KCNMA1: variants seen among roughly 807,000 people sequenced by gnomAD.
The protein encoded by KCNMA1 is potassium calcium-activated channel subfamily M alpha 1.
KCNMA1 carries 29 observed loss-of-function variants against 140.0 expected under a neutral mutation model. That is an observed-to-expected ratio of 0.21 (90% CI 0.15 to 0.28). The LOEUF (loss-of-function observed/expected upper bound fraction) is 0.28. Among genes scored for constraint, KCNMA1 ranks in the 10% least tolerant of loss-of-function variants. KCNMA1 has a pLI of 1.00. For missense variants in KCNMA1, 880 were observed against 1,602.2 expected (o/e 0.55, Z 7.70); for synonymous variants, 612 against 611.9 (o/e 1.00, Z 0.00).
intron 1 of KCNMA1, among the ~76,000 whole-genome samples, chr10:77,411,249 A>G (rs1379498002): frequency 6.6e-6 from 1 of 151,724 alleles, no homozygotes; most frequent in Non-Finnish European, 1.5e-5. Context: ...AATCCCTGTG[A>G]GCTCAGAGTA....
intron 5 of KCNMA1, among the ~76,000 whole-genome samples, chr10:77,162,757 T>G (rs2098578662): frequency 6.6e-6 from 1 of 152,216 alleles, no homozygotes; most frequent in Non-Finnish European, 1.5e-5. Context: ...GGGAGAATGA[T>G]TCCATCTCCA....
chr10:77,581,598 C>T (rs752351169), intron 1 of KCNMA1, among the ~76,000 whole-genome samples: 1 of 152,250 alleles, frequency 6.6e-6, no homozygotes, highest in South Asian at 2.1e-4. Flanking sequence ...AGCCACCACA[C>T]CCAGCCCCAA....
At position 77,425,597 on chromosome 10, in the gene KCNMA1, G is replaced by T. The variant is rs1388199507; in HGVS notation, c.379-21574C>A. On this transcript the variant is annotated intron_variant, in intron 1 of 27. Coordinates refer to ENST00000286628, the MANE Select transcript of KCNMA1 (RefSeq NM_001161352.2). Reference sequence around the variant, plus strand: ...ATCGACCCCAGAGGCATTGGTCTTGGGGTCTCCCTGGTGCGGCAATGTGGG... The same window carrying T: ...ATCGACCCCAGAGGCATTGGTCTTGTGGTCTCCCTGGTGCGGCAATGTGGG... 4.6e-5 allele frequency among the ~76,000 whole-genome samples: 7 copies of T among 152,120 alleles called. No individual in the cohort carries two copies. In the East Asian group the frequency reaches 1.2e-3, roughly 25 times the overall value.
chr10:77,119,075 A>G (rs1041386358), intron 6 of KCNMA1, among the ~76,000 whole-genome samples: 1 of 152,164 alleles, frequency 6.6e-6, no homozygotes, highest in African/African-American at 2.4e-5. Flanking sequence ...ACTCTTCCCT[A>G]GGGCCATTCT....
In KCNMA1 at chr10:77,201,847, A is replaced by C. The variant is rs148126367; in HGVS notation, c.603-16931T>G. On this transcript the variant is annotated intron_variant, in intron 3 of 27. Coordinates refer to ENST00000286628, the MANE Select transcript of KCNMA1 (RefSeq NM_001161352.2). ...AGCAAAAAAAAAAAAGTGCTTGTAA[A>C]AACTGGCAAAACATCTGTACTTGAG... 2.1e-3 allele frequency among the ~76,000 whole-genome samples: 321 copies of C among 152,306 alleles called. 1 individual carries two copies. The highest frequency in any genetic ancestry group is 7.3e-3 in the African/African-American group (304 of 41,572).
chr10:77,440,855 G>A (rs2097381446), intron 1 of KCNMA1, among the ~76,000 whole-genome samples: 2 of 152,274 alleles, frequency 1.3e-5, no homozygotes, highest in African/African-American at 4.8e-5. Flanking sequence ...GTCTCATTCT[G>A]TCGCCCAGGC....
chr10:77,050,802 C>T (rs375825739), intron 14 of KCNMA1, among the ~76,000 whole-genome samples: 10 of 152,188 alleles, frequency 6.6e-5, no homozygotes, highest in African/African-American at 2.2e-4. Context: ...TCGATTACAG[C>T]CTAAAGGATT....
At chr10:76,877,513 A>G (rs1316847612), downstream of KCNMA1, 9 of 345,580 alleles carry the variant, frequency 2.6e-5, no homozygotes, top group East Asian at 5.7e-4. Flanking sequence ...GAGGCTATAC[A>G]TGACTATTTT....
intron 23 of KCNMA1, among the ~76,000 whole-genome samples, chr10:76,936,396 G>T (rs1397559517): frequency 6.6e-6 from 1 of 152,206 alleles, no homozygotes; most frequent in African/African-American, 2.4e-5. Flanking sequence ...GGCTACTCCA[G>T]TGTGGTATTT....
intron 14 of KCNMA1, among the ~76,000 whole-genome samples, chr10:77,059,611 T>C (rs1357857999): frequency 6.6e-6 from 1 of 152,102 alleles, no homozygotes; most frequent in Non-Finnish European, 1.5e-5. Flanking sequence ...CATGATCCTA[T>C]ACATTGATGC....
chr10:76,953,698 C>G (rs1672302323), intron 21 of KCNMA1, 103 bp downstream of exon 21: 17 of 1,359,972 alleles, frequency 1.3e-5, no homozygotes, highest in Admixed American at 1.7e-5. Context: ...TAATTAGGAC[C>G]AGGGACAGTA....
chr10:77,417,510 T>A (rs890199812), intron 1 of KCNMA1, among the ~76,000 whole-genome samples: 2 of 152,208 alleles, frequency 1.3e-5, no homozygotes, highest in African/African-American at 4.8e-5. Flanking sequence ...CTGCTGTTCC[T>A]CAGGGCAGCT....
rs148599590 is a variant in KCNMA1, at chr10:77,520,403, G to A, written c.379-116380C>T. 7.9e-5 allele frequency among the ~76,000 whole-genome samples: 12 copies of A among 151,992 alleles called. 1 individual carries two copies. The highest frequency in any genetic ancestry group is 1.7e-4 in the African/African-American group (7 of 41,410). Reference sequence around the variant, plus strand: ...TCCAACTTTACCAGGTGTGTGGCCCGGGCAAGTCACTTCATCTCAGCAGGT... The same window carrying A: ...TCCAACTTTACCAGGTGTGTGGCCCAGGCAAGTCACTTCATCTCAGCAGGT... On this transcript the variant is annotated intron_variant, in intron 1 of 27. Transcript: ENST00000286628.
At chr10:77,485,300 T>A (rs770468352) in intron 1 of KCNMA1, among the ~76,000 whole-genome samples, 1 of 152,234 alleles carries the variant, frequency 6.6e-6, no homozygotes, top group South Asian at 2.1e-4. Flanking sequence ...GAAATAGATG[T>A]CTTAACATTT....
chr10:77,241,169 T>C (rs189841057), intron 3 of KCNMA1, among the ~76,000 whole-genome samples: 23 of 152,300 alleles, frequency 1.5e-4, no homozygotes, highest in African/African-American at 5.5e-4. Flanking sequence ...CATGTTTTCT[T>C]ATCTGTGAAA....
At chr10:77,623,611 G>A (rs950793167) in intron 1 of KCNMA1, among the ~76,000 whole-genome samples, 19 of 151,848 alleles carry the variant, frequency 1.3e-4, no homozygotes, top group African/African-American at 4.6e-4. Context: ...GCTGAGGCAG[G>A]AGAATTGCTT....
intron 23 of KCNMA1, among the ~76,000 whole-genome samples, chr10:76,918,889 T>C (rs1244399600): frequency 2.0e-5 from 3 of 150,186 alleles, no homozygotes; most frequent in South Asian, 2.1e-4. Flanking sequence ...GATATATATA[T>C]ATATACACAC....
chr10:77,249,967 T>C (rs1283510130), intron 3 of KCNMA1: 1 of 152,194 alleles, frequency 6.6e-6, no homozygotes, highest in Non-Finnish European at 1.5e-5. Flanking sequence ...GGACCTCTGA[T>C]AGGCTTAAAC....
intron 1 of KCNMA1, among the ~76,000 whole-genome samples, chr10:77,508,581 C>CTTTT (rs761735012): frequency 2.5e-4 from 25 of 99,870 alleles, no homozygotes; most frequent in East Asian, 1.8e-3. Flanking sequence ...TTTTTCTTTT[C>CTTTT]TTTTTTTTTT....
Sources: allele counts gnomAD v4.1 joint callset (sites outside exome capture counted in the v4.1 genomes callset), GRCh38; gene constraint gnomAD v4.1.1; transcripts MANE v1.5; gene names NCBI Gene and HGNC (gene_info 2026-07-23, HGNC 2026-07-21).